ZFHX3: variants seen among roughly 807,000 people sequenced by gnomAD.
The protein encoded by ZFHX3 is zinc finger homeobox 3, also known as zinc finger homeobox protein 3.
A neutral mutation model predicts 279.1 loss-of-function variants in ZFHX3; 42 were observed. The ratio of observed to expected loss-of-function variants is 0.15; its 90% CI spans 0.12 to 0.19. The LOEUF is 0.19. Among genes scored for constraint, ZFHX3 ranks in the 10% least tolerant of loss-of-function variants. The pLI is 1.00. For missense variants in ZFHX3, 4,981 were observed against 4,754.0 expected (o/e 1.05, Z -1.40); for synonymous variants, 2,293 against 1,957.8 (o/e 1.17, Z -4.52).
At chr16:73,486,800 T>C (rs1227895093) in intron 2 of ZFHX3, 1 of 455,988 alleles carries the variant, frequency 2.2e-6, no homozygotes, top group Admixed American at 2.4e-5. Flanking sequence ...AAAGAATCCA[T>C]CGTTCAATGT....
At chr16:73,266,838 C>T (rs561394632) in intron 4 of ZFHX3, among the ~76,000 whole-genome samples, 13 of 152,370 alleles carry the variant, frequency 8.5e-5, no homozygotes, top group African/African-American at 2.6e-4. Context: ...TCGCCTTCCG[C>T]CATGATTGTG....
rs552492349 is a variant in ZFHX3 at position 73,074,311 on chromosome 16, C to G, written c.-532-15299G>C. 4.5e-4 allele frequency among the ~76,000 whole-genome samples: 68 copies of G among 152,312 alleles called. 1 individual carries two copies. Among genetic ancestry groups the G allele is most frequent in the Non-Finnish European group, 7.9e-4 (54 of 68,014 alleles). On this transcript the variant is annotated intron_variant, in intron 8 of 17. Coordinates refer to the ZFHX3 transcript ENST00000641206. ...CTCACCCAGCTCCTCATATTCAGCT[C>G]TCTGAGTGGGTTTCCTGCATTTGTG...
At chr16:72,975,297 C>G (rs1962299919) in intron 1 of ZFHX3, among the ~76,000 whole-genome samples, 1 of 152,074 alleles carries the variant, frequency 6.6e-6, no homozygotes, top group Non-Finnish European at 1.5e-5. Flanking sequence ...CAAAACTTAG[C>G]CGGGCATGGT....
At position 73,225,670 on chromosome 16, in the gene ZFHX3, G is replaced by A. The variant is rs554446238; in HGVS notation, c.-1104+31377C>T. Among the ~76,000 whole-genome samples, 6 of 152,302 alleles carry A rather than the reference G, an allele frequency of 3.9e-5. No individual in the cohort carries two copies. In the South Asian group the frequency reaches 1.2e-3, roughly 32 times the overall value. ...GGCATATCCGCCACAAGCTGTTCAG[G>A]TAGGGGTACTGAAGACACTAACTTG... On this transcript the variant is annotated intron_variant, in intron 5 of 17. Transcript: ENST00000641206.
intron 1 of ZFHX3, among the ~76,000 whole-genome samples, chr16:73,802,523 T>C (rs1960173583): frequency 6.6e-6 from 1 of 152,138 alleles, no homozygotes; most frequent in Non-Finnish European, 1.5e-5. Context: ...CACAAGGTGT[T>C]TGGCTGGCAG....
intron 2 of ZFHX3, among the ~76,000 whole-genome samples, chr16:73,510,506 C>A (rs2019410571): frequency 6.6e-6 from 1 of 152,214 alleles, no homozygotes; most frequent in African/African-American, 2.4e-5. Context: ...GAGGCTTCAA[C>A]TAAACCATGA....
At chr16:73,854,505 C>T in intron 1 of ZFHX3, among the ~76,000 whole-genome samples, 1 of 152,048 alleles carries the variant, frequency 6.6e-6, no homozygotes, top group East Asian at 1.9e-4. Context: ...GCCTAGGCAA[C>T]AGCAAGACTC....
At position 72,788,754 on chromosome 16, in the gene ZFHX3, G is replaced by T. The variant is rs767126040; in HGVS notation, c.9522C>A (p.Ser3174=). ...GGGTTGGGGAGCTCAGCGACGCTGA[G>T]GACGGTTTATTTGGTAATCCAGAAG... ...LPTSGLPNKP[S]SASLSSPTPA... The change falls in exon 10 of 10, where the codon TCC becomes TCA. Residue 3174 remains serine, a synonymous_variant. Transcript: ENST00000268489. 2 of 1,579,190 alleles carry T rather than the reference G, an allele frequency of 1.3e-6. No homozygotes were observed. Among genetic ancestry groups the T allele is most frequent in the South Asian group, 1.2e-5 (1 of 84,446 alleles).
chr16:72,810,782 A>G (rs79322625), intron 7 of ZFHX3, among the ~76,000 whole-genome samples: 5,051 of 152,280 alleles, frequency 0.033, 612 homozygotes, highest in East Asian at 0.28. Context: ...TGCGGGTTCA[A>G]ATCTCAACTC....
intron 3 of ZFHX3, among the ~76,000 whole-genome samples, chr16:73,392,644 C>T (rs2017042534): frequency 6.6e-6 from 1 of 151,608 alleles, no homozygotes; most frequent in South Asian, 2.1e-4. Flanking sequence ...ATGTAAGTAA[C>T]TTTGATAACA....
At chr16:73,469,817 C>A (rs1282645455) in intron 2 of ZFHX3, among the ~76,000 whole-genome samples, 1 of 152,084 alleles carries the variant, frequency 6.6e-6, no homozygotes, top group African/African-American at 2.4e-5. Flanking sequence ...GGGGTTTCAC[C>A]ATCTTGGTCA....
chr16:73,486,786 T>A (rs1403162185), intron 2 of ZFHX3: 1 of 456,014 alleles, frequency 2.2e-6, no homozygotes, highest in Non-Finnish European at 4.4e-6. Context: ...CAAATGTTGC[T>A]AAGAAAGAAT....
intron 1 of ZFHX3, among the ~76,000 whole-genome samples, chr16:73,018,271 C>T (rs1323573802): frequency 2.6e-5 from 4 of 151,572 alleles, no homozygotes; most frequent in Non-Finnish European, 4.4e-5. Context: ...GGATGACAGG[C>T]GTGAGCATAC....
At chr16:73,622,536 T>C (rs145378582) in intron 2 of ZFHX3, among the ~76,000 whole-genome samples, 3,159 of 152,086 alleles carry the variant, frequency 0.021, 124 homozygotes, top group African/African-American at 0.073. Context: ...CACTCCAGCT[T>C]GGGCGACAGA....
rs570966249 is a variant in ZFHX3, at chr16:72,797,297, G to GTGC, written c.5382_5384dup (p.Gln1794dup). 4.0e-5 allele frequency: 64 copies of GTGC among 1,607,878 alleles called. No homozygotes were observed. Among genetic ancestry groups the GTGC allele is most frequent in the Non-Finnish European group, 5.3e-5 (62 of 1,176,390 alleles). On this transcript the variant is annotated inframe_insertion, in exon 9 of 10. Transcript: ENST00000268489. ...TGGGGATGTAGAAAGGGAAGAGGAG[G>GTGC]TGCTGCTGCTGCTGTAGTTGCAGCA...
At chr16:73,659,103 T>C (rs904753012) in intron 2 of ZFHX3, among the ~76,000 whole-genome samples, 1 of 152,168 alleles carries the variant, frequency 6.6e-6, no homozygotes, top group South Asian at 2.1e-4. Flanking sequence ...CCATTCTTGC[T>C]GAGAAAATCT....
At chr16:73,460,392 T>C (rs1335808049) in intron 2 of ZFHX3, among the ~76,000 whole-genome samples, 1 of 152,256 alleles carries the variant, frequency 6.6e-6, no homozygotes, top group Non-Finnish European at 1.5e-5. Context: ...GGATTGTTTC[T>C]AGTTTGGGGC....
chr16:73,788,719 T>TATATCTATATATAG (rs1959734284), intron 1 of ZFHX3, among the ~76,000 whole-genome samples: 1 of 151,190 alleles, frequency 6.6e-6, no homozygotes, highest in South Asian at 2.1e-4. Flanking sequence ...GGAAAATATA[T>TATATCTATATATAG]ATATATCTAT....
chr16:73,764,350 A>G (rs2053904587), intron 1 of ZFHX3, among the ~76,000 whole-genome samples: 1 of 152,044 alleles, frequency 6.6e-6, no homozygotes, highest in Non-Finnish European at 1.5e-5. Context: ...TTTTATATAA[A>G]ATTAATATAT....
Sources: gnomAD v4.1 joint callset for allele counts (sites outside exome capture counted in the v4.1 genomes callset) on GRCh38, gnomAD v4.1.1 for gene constraint, MANE v1.5 for transcripts, NCBI Gene and HGNC (gene_info 2026-07-23, HGNC 2026-07-21) for gene names.